SYT14: variants seen among roughly 807,000 people sequenced by gnomAD.
The protein encoded by SYT14 is synaptotagmin 14.
Under a neutral mutation model 74.2 loss-of-function variants are expected in SYT14, and 32 were observed. The observed-to-expected ratio is 0.43, with a 90% CI of 0.33 to 0.58. SYT14 has a LOEUF of 0.58. Ranked by LOEUF, SYT14 falls within the 20% of genes least tolerant of loss-of-function variation. The pLI is 0.05. For missense variants in SYT14, 791 were observed against 981.8 expected (o/e 0.81, Z 2.60); for synonymous variants, 298 against 337.7 (o/e 0.88, Z 1.29).
intron 7 of SYT14, among the ~76,000 whole-genome samples, chr1:210,100,781 T>A (rs578213807): frequency 6.9e-6 from 1 of 145,616 alleles, no homozygotes; most frequent in East Asian, 2.0e-4. Flanking sequence ...AAACTCCTTA[T>A]AGAATTTATT....
chr1:209,969,878 G>A lies in SYT14; in HGVS notation c.-486+17122G>A, dbSNP rs920417397. On this transcript the variant is annotated intron_variant, in intron 2 of 9. Coordinates refer to ENST00000637265, the Ensembl canonical transcript of SYT14. ...GTATGTCTTCTTTTGAGAAGTGTCT[G>A]TTTATGTCTTTGCTCACTTTTTAAT... Among the ~76,000 whole-genome samples, 2 of 152,024 alleles carry A rather than the reference G, an allele frequency of 1.3e-5. 1 individual carries two copies. The highest frequency in any genetic ancestry group is 4.1e-4 in the South Asian group (2 of 4,820).
At chr1:209,998,854 G>C (rs1394066927) in intron 2 of SYT14, among the ~76,000 whole-genome samples, 1 of 151,894 alleles carries the variant, frequency 6.6e-6, no homozygotes, top group Non-Finnish European at 1.5e-5. Context: ...AAAGAAAAAA[G>C]GAGAAATACT....
intron 7 of SYT14, among the ~76,000 whole-genome samples, chr1:210,115,341 C>G (rs2082337870): frequency 6.6e-6 from 1 of 150,772 alleles, no homozygotes. Context: ...AGGGTAGAGA[C>G]ACAGAGAGAA....
rs185140628 is a variant in SYT14 at position 209,998,266 on chromosome 1, G to A, written c.-485-15367G>A. On this transcript the variant is annotated intron_variant, in intron 2 of 9. Transcript: ENST00000637265. ...CATGGAGGTGAAAGACCTCTATAAG[G>A]AAGACTATGAAACACTGATAAAAGA... Among the ~76,000 whole-genome samples, 8 of 152,144 alleles carry A rather than the reference G, an allele frequency of 5.3e-5. No homozygotes were observed. In the East Asian group the frequency reaches 1.5e-3, roughly 29 times the overall value.
chr1:210,129,636 G>T (rs1375963344), intron 7 of SYT14, among the ~76,000 whole-genome samples: 1 of 152,146 alleles, frequency 6.6e-6, no homozygotes, highest in Non-Finnish European at 1.5e-5. Context: ...TTAGTGATTG[G>T]ACATAATATA....
chr1:210,057,155 T>C (rs773479479), intron 5 of SYT14, among the ~76,000 whole-genome samples: 1 of 152,152 alleles, frequency 6.6e-6, no homozygotes, highest in Non-Finnish European at 1.5e-5. Context: ...CCAGTTGATA[T>C]TGATAATTGA....
At position 209,987,352 on chromosome 1, in the gene SYT14, G is replaced by A. The variant is rs150563358; in HGVS notation, c.-485-26281G>A. The stretch of plus-strand genomic sequence containing the variant: ...AGAGGTTTAATTGGCTTAAAGTTTT[G>A]TAGGCTGTGCAAGCATGGCGCTGGC... On this transcript the variant is annotated intron_variant, in intron 2 of 9. Transcript: ENST00000637265. Among the ~76,000 whole-genome samples the A allele has an allele frequency of 3.7e-4, 57 of 152,312 alleles. 2 individuals carry two copies. The East Asian group carries it at 0.01, about 27-fold the overall frequency.
intron 2 of SYT14, among the ~76,000 whole-genome samples, chr1:209,955,313 C>T (rs946679137): frequency 7.2e-5 from 11 of 152,122 alleles, no homozygotes; most frequent in Admixed American, 1.3e-4. Context: ...GATTTTCTTA[C>T]CTGAGCCTAT....
chr1:209,950,247 A>G (rs2078891107), intron 1 of SYT14, among the ~76,000 whole-genome samples: 1 of 152,198 alleles, frequency 6.6e-6, no homozygotes, highest in Non-Finnish European at 1.5e-5. Flanking sequence ...CTTAATATGT[A>G]TGGAGAATAT....
chr1:210,092,140 T>C (rs1313447899), intron 5 of SYT14, among the ~76,000 whole-genome samples: 1 of 152,228 alleles, frequency 6.6e-6, no homozygotes, highest in Non-Finnish European at 1.5e-5. Flanking sequence ...TTGGAAACAG[T>C]AGAAAATCCA....
intron 2 of SYT14, among the ~76,000 whole-genome samples, chr1:209,997,630 A>T (rs7543650): frequency 0.23 from 34,356 of 152,034 alleles, 4,174 homozygotes; most frequent in Middle Eastern, 0.3. Context: ...TAAATTTCGT[A>T]TGGAACGTTG....
intron 7 of SYT14, among the ~76,000 whole-genome samples, chr1:210,137,110 T>C (rs191944092): frequency 6.6e-6 from 1 of 152,304 alleles, no homozygotes; most frequent in African/African-American, 2.4e-5. Context: ...TGAATTTCTG[T>C]CAGTGTTTGG....
chr1:209,964,668 A>G (rs2079127417), intron 2 of SYT14, among the ~76,000 whole-genome samples: 1 of 152,262 alleles, frequency 6.6e-6, no homozygotes, highest in South Asian at 2.1e-4. Flanking sequence ...TCTCCCTATC[A>G]TGAGGGGTCA....
Position 210,029,285 on chromosome 1 carries a change from C to CT in SYT14, c.1312+8036dup, listed in dbSNP as rs567687417. ...AATGTTTTAATTTTCATGAAATCCA[C>CT]TTTTTGTATTTTTTGTTGTTTTCTG... On this transcript the variant is annotated intron_variant, in intron 5 of 9. Transcript: ENST00000637265. 4.5e-3 allele frequency among the ~76,000 whole-genome samples: 685 copies of CT among 152,192 alleles called. 2 individuals are homozygous for CT. Among genetic ancestry groups the CT allele is most frequent in the South Asian group, 7.7e-3 (37 of 4,820 alleles).
At chr1:210,019,935 C>T (rs1321125471) in intron 4 of SYT14, among the ~76,000 whole-genome samples, 3 of 152,132 alleles carry the variant, frequency 2.0e-5, no homozygotes, top group African/African-American at 7.2e-5. Context: ...AAAATTTAGA[C>T]CTCCTGAAAG....
At chr1:209,947,969 A>G (rs1289011878) in intron 1 of SYT14, among the ~76,000 whole-genome samples, 2 of 152,144 alleles carry the variant, frequency 1.3e-5, no homozygotes, top group African/African-American at 4.8e-5. Context: ...ACAATCAATA[A>G]TTTTTTTAGC....
chr1:210,105,012 TGTTAA>T (rs1033855246), intron 7 of SYT14, among the ~76,000 whole-genome samples: 11 of 152,180 alleles, frequency 7.2e-5, no homozygotes, highest in African/African-American at 2.4e-4. Flanking sequence ...CAGGCGTACC[TGTTAA>T]GTTTTTTTTT....
chr1:210,155,270 A>G (rs186972641), intron 7 of SYT14, among the ~76,000 whole-genome samples: 17 of 152,130 alleles, frequency 1.1e-4, no homozygotes, highest in Admixed American at 9.2e-4. Flanking sequence ...ATGTTTTTCA[A>G]CTTTTCTATA....
intron 6 of SYT14, among the ~76,000 whole-genome samples, chr1:210,098,313 C>A (rs564352473): frequency 6.6e-6 from 1 of 152,214 alleles, no homozygotes; most frequent in Non-Finnish European, 1.5e-5. Flanking sequence ...AACAAAAAGA[C>A]CCCTAGCCCC....
Sources: gnomAD v4.1 joint callset for allele counts (sites outside exome capture counted in the v4.1 genomes callset) on GRCh38, gnomAD v4.1.1 for gene constraint, MANE v1.5 for transcripts, NCBI Gene and HGNC (gene_info 2026-07-23, HGNC 2026-07-21) for gene names.